SLC25A21: variants seen among roughly 807,000 people sequenced by gnomAD.
SLC25A21 encodes mitochondrial 2-oxodicarboxylate carrier.
In SLC25A21, 47 loss-of-function variants were observed where a neutral mutation model predicts 43.8. That is an observed-to-expected ratio of 1.07 (90% CI 0.85 to 1.37). The LOEUF (loss-of-function observed/expected upper bound fraction) is 1.37. Among genes scored for constraint, SLC25A21 ranks in the 40% most tolerant of loss-of-function variants. The pLI, the probability that SLC25A21 is intolerant of heterozygous loss-of-function variation, is 0.00. For missense variants in SLC25A21, 352 were observed against 350.2 expected (o/e 1.00, Z -0.04); for synonymous variants, 131 against 121.3 (o/e 1.08, Z -0.52).
intron 3 of SLC25A21, among the ~76,000 whole-genome samples, chr14:36,748,687 A>G (rs1473543711): frequency 6.6e-6 from 1 of 152,212 alleles, no homozygotes; most frequent in African/African-American, 2.4e-5. Flanking sequence ...TAGTTTGTGG[A>G]CTTTGTCTGT....
At chr14:36,752,752 G>C (rs904630316) in intron 3 of SLC25A21, among the ~76,000 whole-genome samples, 1 of 152,296 alleles carries the variant, frequency 6.6e-6, no homozygotes. Flanking sequence ...TGAATCATGG[G>C]AGCAGTTACC....
chr14:37,118,627 A>C (rs1326208121), intron 1 of SLC25A21, among the ~76,000 whole-genome samples: 1 of 152,204 alleles, frequency 6.6e-6, no homozygotes, highest in Non-Finnish European at 1.5e-5. Flanking sequence ...TTATTTTAAA[A>C]GATATTTAAG....
intron 1 of SLC25A21, among the ~76,000 whole-genome samples, chr14:37,100,876 T>C (rs1023919564): frequency 1.1e-4 from 17 of 152,234 alleles, no homozygotes; most frequent in African/African-American, 3.9e-4. Flanking sequence ...ACACAATTTA[T>C]ATTGCAGACA....
chr14:36,750,676 A>C (rs890179569), intron 3 of SLC25A21, among the ~76,000 whole-genome samples: 2 of 152,116 alleles, frequency 1.3e-5, no homozygotes, highest in African/African-American at 4.8e-5. Context: ...TGTATTTTTA[A>C]CACCACCCCT....
Position 36,684,512 on chromosome 14 carries a change from C to T in SLC25A21, c.785+232G>A, listed in dbSNP as rs138783616. ...ACAAACTGCCAAGTAGAAAGTTCACCTTGGCATTCTAAGGCAAACAGGCAG... is the reference window on the plus strand; with the variant it reads ...ACAAACTGCCAAGTAGAAAGTTCACTTTGGCATTCTAAGGCAAACAGGCAG... On this transcript the variant is annotated intron_variant, in intron 8 of 9. Coordinates refer to ENST00000331299, the MANE Select transcript of SLC25A21 (RefSeq NM_030631.4). Among the ~76,000 whole-genome samples, 234 of 152,260 alleles carry T rather than the reference C, an allele frequency of 1.5e-3. 1 individual carries two copies. Among genetic ancestry groups the T allele is most frequent in the African/African-American group, 5.3e-3 (219 of 41,562 alleles).
At chr14:37,091,723 C>G (rs536198301) in intron 1 of SLC25A21, among the ~76,000 whole-genome samples, 1 of 152,238 alleles carries the variant, frequency 6.6e-6, no homozygotes, top group South Asian at 2.1e-4. Flanking sequence ...AGCAAGTAGG[C>G]AAATTCACAA....
At position 37,172,341 on chromosome 14, in the gene SLC25A21, T is replaced by C. The variant is rs1240048818; in HGVS notation, c.10A>G (p.Lys4Glu). MSA[K>E]PEVSLVREAS... is the part of the protein sequence containing the mutation. The stretch of plus-strand genomic sequence containing the variant: ...TCGCGCACTAAGCTGACTTCAGGCT[T>C]GGCGGACATCTTCGCCAGGCGGGAG... The change falls in exon 1 of 10, where the codon AAG becomes GAG. Residue 4 changes from lysine to glutamate, a missense_variant. Transcript: ENST00000331299. 5 of 1,600,390 alleles carry C rather than the reference T, an allele frequency of 3.1e-6. No individual in the cohort carries two copies. The highest frequency in any genetic ancestry group is 2.3e-5 in the South Asian group (2 of 88,372).
intron 3 of SLC25A21, among the ~76,000 whole-genome samples, chr14:36,795,982 T>C (rs1199268156): frequency 1.3e-5 from 2 of 151,866 alleles, no homozygotes; most frequent in African/African-American, 4.8e-5. Context: ...TGCCAAGGAG[T>C]TGTTCCAGCT....
chr14:36,848,384 T>C (rs10483478), intron 2 of SLC25A21, among the ~76,000 whole-genome samples: 5,773 of 152,272 alleles, frequency 0.038, 359 homozygotes, highest in African/African-American at 0.13. Context: ...TTAACAACCT[T>C]TCAACCAAAT....
At chr14:36,847,017 T>A (rs1055618695) in intron 2 of SLC25A21, among the ~76,000 whole-genome samples, 1 of 152,258 alleles carries the variant, frequency 6.6e-6, no homozygotes, top group East Asian at 1.9e-4. Context: ...GTAGTCTTTA[T>A]TCTACTCAAT....
chr14:36,942,901 G>C (rs993434183), intron 1 of SLC25A21, among the ~76,000 whole-genome samples: 1 of 152,100 alleles, frequency 6.6e-6, no homozygotes, highest in Non-Finnish European at 1.5e-5. Flanking sequence ...TTTCCTTCAT[G>C]GCACTTTTTA....
intron 1 of SLC25A21, among the ~76,000 whole-genome samples, chr14:37,136,687 A>T (rs749260968): frequency 6.6e-6 from 1 of 151,822 alleles, no homozygotes; most frequent in African/African-American, 2.4e-5. Context: ...TACAAAAATT[A>T]TACTATAACT....
chr14:37,170,679 C>G (rs1200378088), intron 1 of SLC25A21, among the ~76,000 whole-genome samples: 1 of 151,964 alleles, frequency 6.6e-6, no homozygotes, highest in Non-Finnish European at 1.5e-5. Context: ...GTAGTCCCAC[C>G]ACTTTGGGAG....
intron 2 of SLC25A21, among the ~76,000 whole-genome samples, chr14:36,823,720 A>G (rs1269484071): frequency 6.6e-6 from 1 of 152,172 alleles, no homozygotes; most frequent in Non-Finnish European, 1.5e-5. Flanking sequence ...GCATTTTCCA[A>G]GTAATTACGG....
intron 3 of SLC25A21, among the ~76,000 whole-genome samples, chr14:36,796,280 G>A (rs1276381304): frequency 3.3e-5 from 5 of 151,966 alleles, no homozygotes; most frequent in Non-Finnish European, 7.4e-5. Context: ...AAGGAATTAA[G>A]AATAAGTTAA....
intron 1 of SLC25A21, among the ~76,000 whole-genome samples, chr14:37,022,397 T>C (rs1961005959): frequency 2.0e-5 from 3 of 151,944 alleles, no homozygotes; most frequent in African/African-American, 4.8e-5. Flanking sequence ...ATAGTGAGAA[T>C]AGGAACAGAG....
intron 4 of SLC25A21, among the ~76,000 whole-genome samples, chr14:36,732,761 C>A (rs912555623): frequency 1.3e-5 from 2 of 151,992 alleles, no homozygotes; most frequent in African/African-American, 4.8e-5. Context: ...CTCACAAATC[C>A]TAAGATAAAT....
At chr14:37,080,625 T>G (rs1482132164) in intron 1 of SLC25A21, among the ~76,000 whole-genome samples, 1 of 152,142 alleles carries the variant, frequency 6.6e-6, no homozygotes, top group Non-Finnish European at 1.5e-5. Flanking sequence ...AGAAAAAAAC[T>G]ACTACTTAGT....
Position 36,680,023 on chromosome 14 carries a change from G to GAT in SLC25A21, c.*633_*634dup. On this transcript the variant is annotated 3_prime_UTR_variant, in exon 10 of 10. Transcript: ENST00000331299. ...TATTTATTATCTTACAGCAATATGA[G>GAT]ATATAAAGTAGATGTAGGAAAATAG... The GAT allele has an allele frequency of 2.2e-5, 19 of 861,886 alleles. No individual in the cohort carries two copies. The highest frequency in any genetic ancestry group is 2.5e-5 in the Non-Finnish European group (18 of 718,980). The allele number at this position is 861,886 out of a possible 1,614,324, so 53.4% of individuals were successfully genotyped here.
Sources: gnomAD v4.1 joint callset for allele counts (sites outside exome capture counted in the v4.1 genomes callset) on GRCh38, gnomAD v4.1.1 for gene constraint, MANE v1.5 for transcripts, NCBI Gene and HGNC (gene_info 2026-07-23, HGNC 2026-07-21) for gene names.